PCDHGB2: variants seen among roughly 807,000 people sequenced by gnomAD.
PCDHGB2 encodes the protein protocadherin gamma subfamily B, 2.
In PCDHGB2, 55 loss-of-function variants were observed where a neutral mutation model predicts 59.3. The observed-to-expected ratio is 0.93, with a 90% CI of 0.75 to 1.16. The LOEUF is 1.16. PCDHGB2 is among the 50% of genes most tolerant of loss of function. The probability of loss-of-function intolerance (pLI) is 0.00; values close to 1 mark genes in which losing one functional copy is unlikely to be tolerated. For missense variants in PCDHGB2, 1,228 were observed against 1,198.5 expected (o/e 1.02, Z -0.36); for synonymous variants, 516 against 512.0 (o/e 1.01, Z -0.11).
At chr5:141,428,002 T>G in intron 1 of PCDHGB2, 1 of 1,601,328 alleles carries the variant, frequency 6.2e-7, no homozygotes, top group Non-Finnish European at 8.5e-7. Context: ...TCCGCACTCT[T>G]CGATATAGTG....
At position 141,432,232 on chromosome 5, in the gene PCDHGB2, G is replaced by A. The variant is rs766929605; in HGVS notation, c.2422-62575G>A. Reference sequence around the variant, plus strand: ...AGAACGCCCAGATCACTTATTCCCTGGCTGAGAACACCATCCAAGGGGCAA... The same window carrying A: ...AGAACGCCCAGATCACTTATTCCCTAGCTGAGAACACCATCCAAGGGGCAA... On this transcript the variant is annotated intron_variant, in intron 1 of 3. Coordinates refer to ENST00000522605, the MANE Select transcript of PCDHGB2 (RefSeq NM_018923.3). The surrounding 1 kb of genome is among the most constrained non-coding windows in gnomAD (Gnocchi z 6.0). The A allele has an allele frequency of 6.2e-7, 1 of 1,614,188 alleles. No homozygotes were observed. The highest frequency in any genetic ancestry group is 1.6e-4 in the Middle Eastern group (1 of 6,062).
Position 141,491,529 on chromosome 5 carries a change from G to T in PCDHGB2, c.2422-3278G>T, listed in dbSNP as rs1157770121. ...GCACGCTCAAGTACATGGAGGTGAC[G>T]CTGCGGCCCACAGACTCGCAGAGCC... On this transcript the variant is annotated intron_variant, in intron 1 of 3. Transcript: ENST00000522605. This position sits in a 1 kb window ranked among gnomAD's most constrained non-coding sequence, Gnocchi z 6.9. The T allele has an allele frequency of 6.2e-7, 1 of 1,614,040 alleles. No individual in the cohort carries two copies. The highest frequency in any genetic ancestry group is 1.1e-5 in the South Asian group (1 of 91,080).
At chr5:141,463,773 C>A (rs2099069188) in intron 1 of PCDHGB2, among the ~76,000 whole-genome samples, 1 of 152,088 alleles carries the variant, frequency 6.6e-6, no homozygotes, top group Non-Finnish European at 1.5e-5. Context: ...GGGTTAGAAT[C>A]CTGCACTGTC....
At chr5:141,420,432 T>C in intron 1 of PCDHGB2, 2 of 1,149,120 alleles carry the variant, frequency 1.7e-6, no homozygotes, top group Non-Finnish European at 2.3e-6. Flanking sequence ...AAAGTTTAAA[T>C]TAAATGCCTC....
Position 141,360,333 on chromosome 5 carries a change from G to T in PCDHGB2, c.198G>T (p.Leu66=), listed in dbSNP as rs759219766. 6.2e-7 allele frequency: 1 copy of T among 1,613,972 alleles called. No individual in the cohort carries two copies. The highest frequency in any genetic ancestry group is 2.2e-5 in the East Asian group (1 of 44,874). ...TCCGGGACTTGCCAGCCCGGAAGCTGCGGGTTAGCGCGGAGAAGGAATATT... is the reference window on the plus strand; with the variant it reads ...TCCGGGACTTGCCAGCCCGGAAGCTTCGGGTTAGCGCGGAGAAGGAATATT... ...LSVRDLPARK[L]RVSAEKEYFT... is the part of the protein sequence containing the mutation. Residue 66 remains leucine (L), a synonymous_variant, in exon 1 of 4, where the codon CTG becomes CTT. Transcript: ENST00000522605.
At chr5:141,418,130 G>A in intron 1 of PCDHGB2, 3 of 1,614,106 alleles carry the variant, frequency 1.9e-6, no homozygotes, top group Non-Finnish European at 2.5e-6. Flanking sequence ...GGACCGAATA[G>A]ACCGTGAGCA....
At chr5:141,386,536 G>C (rs919634660) in intron 1 of PCDHGB2, among the ~76,000 whole-genome samples, 6 of 151,656 alleles carry the variant, frequency 4.0e-5, no homozygotes, top group Admixed American at 6.6e-5. Flanking sequence ...TTTTAGACTA[G>C]TGTTGTATTT....
rs61612330 is a variant in PCDHGB2, at chr5:141,454,796, A to ATTTTTTTTTTTTTTTTTT, written c.2422-39999_2422-39982dup. Reference sequence around the variant, plus strand: ...AAGGAAATAATCCTCCATGGTTCTAATTTTTTTTTTTTTTTTTTTTTTTTT... The same window carrying ATTTTTTTTTTTTTTTTTT: ...AAGGAAATAATCCTCCATGGTTCTAATTTTTTTTTTTTTTTTTTTTTTTTTTTTTTTTTTTTTTTTTTT... On this transcript the variant is annotated intron_variant, in intron 1 of 3. Coordinates refer to ENST00000522605, the MANE Select transcript of PCDHGB2 (RefSeq NM_018923.3). 9.0e-4 allele frequency among the ~76,000 whole-genome samples: 70 copies of ATTTTTTTTTTTTTTTTTT among 77,458 alleles called. 9 individuals carry two copies. Among genetic ancestry groups the ATTTTTTTTTTTTTTTTTT allele is most frequent in the Non-Finnish European group, 1.1e-3 (48 of 42,814 alleles). The allele number at this position is 77,458 out of a possible 152,430, so 50.8% of individuals were successfully genotyped here. A position where few individuals can be genotyped will look rare whatever the true frequency, so the allele number is the denominator to read the frequency against.
intron 1 of PCDHGB2, chr5:141,419,781 G>T: frequency 6.2e-7 from 1 of 1,614,032 alleles, no homozygotes; most frequent in Non-Finnish European, 8.5e-7. Context: ...GTCCGCCAGC[G>T]CCTGCTAGTC....
intron 1 of PCDHGB2, among the ~76,000 whole-genome samples, chr5:141,480,195 G>C (rs1350891459): frequency 6.6e-6 from 1 of 151,182 alleles, no homozygotes; most frequent in African/African-American, 2.4e-5. Flanking sequence ...CTTGAGGCCA[G>C]CAGTTCAAGA....
intron 1 of PCDHGB2, among the ~76,000 whole-genome samples, chr5:141,437,505 A>G (rs1429147239): frequency 6.6e-6 from 1 of 152,204 alleles, no homozygotes; most frequent in Non-Finnish European, 1.5e-5. Context: ...TTTTCAATGA[A>G]TTATAAGGCT....
chr5:141,421,307 T>C, intron 1 of PCDHGB2: 10 of 1,613,674 alleles, frequency 6.2e-6, no homozygotes, highest in Non-Finnish European at 8.5e-6. Context: ...CTGCGGGGGT[T>C]CCGGGCCAGG....
intron 1 of PCDHGB2, chr5:141,400,401 G>T (rs760681088): frequency 3.1e-6 from 5 of 1,613,936 alleles, no homozygotes; most frequent in Non-Finnish European, 4.2e-6. Context: ...CAGGAAAGAC[G>T]GAGTTTAATT....
intron 1 of PCDHGB2, chr5:141,372,539 G>A: frequency 6.2e-7 from 1 of 1,614,050 alleles, no homozygotes; most frequent in Non-Finnish European, 8.5e-7. Flanking sequence ...CCCTGCGCCT[G>A]CGATGCTCCT....
Position 141,434,451 on chromosome 5 carries a change from A to T in PCDHGB2, c.2422-60356A>T, listed in dbSNP as rs145324240. 3.9e-3 allele frequency among the ~76,000 whole-genome samples: 589 copies of T among 152,326 alleles called. 6 individuals carry two copies. The highest frequency in any genetic ancestry group is 0.011 in the Admixed American group (170 of 15,298). ...GGCCGTAATGCCCATGCTGGAAGGTAGTGGGTTTACCGGAATGAGGGCAAG... is the reference window on the plus strand; with the variant it reads ...GGCCGTAATGCCCATGCTGGAAGGTTGTGGGTTTACCGGAATGAGGGCAAG... On this transcript the variant is annotated intron_variant, in intron 1 of 3. Transcript: ENST00000522605.
intron 2 of PCDHGB2, among the ~76,000 whole-genome samples, chr5:141,501,751 C>G (rs188896150): frequency 1.4e-3 from 218 of 152,250 alleles, no homozygotes; most frequent in South Asian, 3.1e-3. Flanking sequence ...ATAGGAAGCT[C>G]TCAGTAAATG....
chr5:141,371,274 C>T, intron 1 of PCDHGB2: 3 of 1,613,982 alleles, frequency 1.9e-6, no homozygotes, highest in Non-Finnish European at 2.5e-6. Context: ...ACTGTTCAAG[C>T]TGGACAGTAA....
intron 2 of PCDHGB2, among the ~76,000 whole-genome samples, chr5:141,495,471 G>A (rs2099761632): frequency 6.6e-6 from 1 of 152,190 alleles, no homozygotes; most frequent in Non-Finnish European, 1.5e-5. Context: ...TGGGGTCTCC[G>A]TGTCTCTGCC....
chr5:141,380,058 C>G (rs1231461261), intron 1 of PCDHGB2, among the ~76,000 whole-genome samples: 1 of 151,888 alleles, frequency 6.6e-6, no homozygotes, highest in Non-Finnish European at 1.5e-5. Flanking sequence ...TGCCACCATG[C>G]CTAGCTAATT....
Sources: gnomAD v4.1 joint callset for allele counts (sites outside exome capture counted in the v4.1 genomes callset) on GRCh38, gnomAD v4.1.1 for gene constraint, Gnocchi (gnomAD v3.1) non-coding constraint, MANE v1.5 for transcripts, NCBI Gene and HGNC (gene_info 2026-07-23, HGNC 2026-07-21) for gene names.